DYNC1I1: variants seen among roughly 807,000 people sequenced by gnomAD.
DYNC1I1 encodes the protein cytoplasmic dynein 1 intermediate chain 1.
A neutral mutation model predicts 86.6 loss-of-function variants in DYNC1I1; 43 were observed. That is an observed-to-expected ratio of 0.50 (90% CI 0.39 to 0.64). The LOEUF is 0.64. DYNC1I1 is among the 30% of genes least tolerant of loss of function. DYNC1I1 has a pLI of 0.00. For missense variants in DYNC1I1, 604 were observed against 788.8 expected (o/e 0.77, Z 2.81); for synonymous variants, 262 against 283.7 (o/e 0.92, Z 0.77).
intron 12 of DYNC1I1, among the ~76,000 whole-genome samples, chr7:96,034,482 G>A (rs902817051): frequency 2.6e-5 from 4 of 152,144 alleles, no homozygotes; most frequent in South Asian, 2.1e-4. Context: ...GGAGGATTTC[G>A]TGACATGGCT....
chr7:95,838,380 A>G lies in DYNC1I1; in HGVS notation c.374+10264A>G, dbSNP rs143719070. Among the ~76,000 whole-genome samples the G allele has an allele frequency of 1.2e-3, 179 of 152,318 alleles. No homozygotes were observed. In the East Asian group the frequency reaches 0.02, roughly 17 times the overall value. On this transcript the variant is annotated intron_variant, in intron 5 of 16. Transcript: ENST00000447467. ...GTGTGAGTTAATTTCTGGAATCTCC[A>G]TTCTGTCCCACTGACCTATATGCCT...
At chr7:95,838,579 C>G (rs1413773435) in intron 5 of DYNC1I1, among the ~76,000 whole-genome samples, 1 of 152,098 alleles carries the variant, frequency 6.6e-6, no homozygotes, top group African/African-American at 2.4e-5. Flanking sequence ...TGAAAAATAT[C>G]ATTTAAGTTT....
chr7:95,983,561 C>G (rs1793508691), intron 7 of DYNC1I1, among the ~76,000 whole-genome samples: 1 of 152,134 alleles, frequency 6.6e-6, no homozygotes, highest in African/African-American at 2.4e-5. Flanking sequence ...ATTGGATCCA[C>G]TGCCATGACT....
At chr7:96,023,657 A>G (rs1323105361) in intron 10 of DYNC1I1, among the ~76,000 whole-genome samples, 1 of 152,148 alleles carries the variant, frequency 6.6e-6, no homozygotes, top group African/African-American at 2.4e-5. Context: ...ATGGTGTAAA[A>G]TAAACTGACT....
intron 1 of DYNC1I1, among the ~76,000 whole-genome samples, chr7:95,803,967 T>A (rs147309992): frequency 1.4e-3 from 220 of 152,282 alleles, no homozygotes; most frequent in African/African-American, 5.0e-3. Context: ...CTTGTTTGGA[T>A]AAATTTTCCC....
intron 16 of DYNC1I1, among the ~76,000 whole-genome samples, chr7:96,084,750 A>C (rs1229538122): frequency 6.6e-6 from 1 of 152,108 alleles, no homozygotes. Flanking sequence ...AAACTACTTA[A>C]AAATGTTTAA....
At chr7:96,050,103 C>T (rs1161083198) in intron 14 of DYNC1I1, among the ~76,000 whole-genome samples, 2 of 150,668 alleles carry the variant, frequency 1.3e-5, no homozygotes, top group Admixed American at 1.3e-4. Flanking sequence ...AATTCGACAA[C>T]AAGAAAATTT....
chr7:95,929,498 C>T (rs1329184537), intron 6 of DYNC1I1, among the ~76,000 whole-genome samples: 2 of 152,140 alleles, frequency 1.3e-5, no homozygotes, highest in Non-Finnish European at 2.9e-5. Context: ...AAGTATGCTG[C>T]TCATTAACAA....
downstream of DYNC1I1, among the ~76,000 whole-genome samples, chr7:96,099,269 C>G (rs1791091507): frequency 1.3e-5 from 2 of 152,178 alleles, no homozygotes. Context: ...AACATGTGTT[C>G]TTATATATCC....
intron 14 of DYNC1I1, among the ~76,000 whole-genome samples, chr7:96,048,353 G>A (rs941244958): frequency 6.6e-5 from 10 of 152,148 alleles, no homozygotes; most frequent in African/African-American, 2.4e-4. Context: ...CATTACTAGA[G>A]CAGGTGAACA....
At chr7:96,044,553 G>A (rs754624542) in intron 14 of DYNC1I1, among the ~76,000 whole-genome samples, 45 of 151,986 alleles carry the variant, frequency 3.0e-4, no homozygotes, top group Non-Finnish European at 5.3e-4. Context: ...GTGTAAGGTA[G>A]AGAAAGGGCC....
chr7:95,901,139 G>A (rs1312373365), intron 6 of DYNC1I1, among the ~76,000 whole-genome samples: 1 of 152,174 alleles, frequency 6.6e-6, no homozygotes, highest in African/African-American at 2.4e-5. Flanking sequence ...CTGCTGACAT[G>A]GCAGCTGTAT....
At chr7:95,962,370 C>T (rs551129123) in intron 6 of DYNC1I1, among the ~76,000 whole-genome samples, 1 of 152,326 alleles carries the variant, frequency 6.6e-6, no homozygotes, top group East Asian at 1.9e-4. Flanking sequence ...TTATGCTCCT[C>T]ATTCCCAAAT....
chr7:95,947,773 A>C (rs1242057709), intron 6 of DYNC1I1, among the ~76,000 whole-genome samples: 1 of 152,178 alleles, frequency 6.6e-6, no homozygotes, highest in Non-Finnish European at 1.5e-5. Flanking sequence ...TTAGGATCAG[A>C]GTGGGTGTTT....
intron 10 of DYNC1I1, among the ~76,000 whole-genome samples, chr7:96,007,329 T>C (rs1472913641): frequency 6.6e-6 from 1 of 152,234 alleles, no homozygotes; most frequent in Non-Finnish European, 1.5e-5. Flanking sequence ...TGGATACTTA[T>C]CCTGAGGGAT....
intron 14 of DYNC1I1, among the ~76,000 whole-genome samples, chr7:96,065,133 T>G (rs1404446905): frequency 6.6e-6 from 1 of 152,178 alleles, no homozygotes; most frequent in Non-Finnish European, 1.5e-5. Flanking sequence ...CCAACCATAT[T>G]AATCTTCCAA....
At chr7:96,041,160 A>C (rs898006081) in intron 14 of DYNC1I1, among the ~76,000 whole-genome samples, 2 of 152,236 alleles carry the variant, frequency 1.3e-5, no homozygotes, top group African/African-American at 4.8e-5. Context: ...TTTTCTTTGC[A>C]GCTTCATGGG....
intron 6 of DYNC1I1, among the ~76,000 whole-genome samples, chr7:95,915,341 A>G (rs975916594): frequency 3.9e-5 from 6 of 152,248 alleles, no homozygotes; most frequent in African/African-American, 1.4e-4. Context: ...GAACAAAGTC[A>G]CATAGCTAAA....
chr7:95,907,774 GTT>G (rs36104830), intron 6 of DYNC1I1, among the ~76,000 whole-genome samples: 169 of 139,262 alleles, frequency 1.2e-3, no homozygotes, highest in East Asian at 9.7e-3. Context: ...TCAATCAACT[GTT>G]TTTTTTTTTT....
Sources: allele counts gnomAD v4.1 joint callset (sites outside exome capture counted in the v4.1 genomes callset), GRCh38; gene constraint gnomAD v4.1.1; transcripts MANE v1.5; gene names NCBI Gene and HGNC (gene_info 2026-07-23, HGNC 2026-07-21).